Variants in PSEN2 observed in about 807,000 individuals in gnomAD.
PSEN2 encodes presenilin-2.
A neutral mutation model predicts 49.1 loss-of-function variants in PSEN2; 32 were observed. The ratio of observed to expected loss-of-function variants is 0.65; its 90% CI spans 0.49 to 0.88. The LOEUF (loss-of-function observed/expected upper bound fraction) is 0.88, where lower values mean the gene tolerates loss of function less well. Ranked by LOEUF, PSEN2 falls within the 40% of genes least tolerant of loss-of-function variation. PSEN2 has a pLI of 0.00. For synonymous variants in PSEN2, 255 were observed against 244.0 expected, an observed-to-expected ratio of 1.05 and a Z score of -0.42; for missense variants, 522 against 586.9, an observed-to-expected ratio of 0.89 and a Z score of 1.14.
At chr1:226,893,233 AAT>A (rs1337694532) in intron 11 of PSEN2, among the ~76,000 whole-genome samples, 2 of 152,192 alleles carry the variant, frequency 1.3e-5, no homozygotes, top group Non-Finnish European at 2.9e-5. Context: ...ACCCGGCCAA[AAT>A]TAGTTTTATT....
Position 226,888,970 on chromosome 1 carries a change from T to G in PSEN2, c.708T>G (p.Ser236Arg). Residue 236 changes from serine to arginine, a missense_variant, in exon 8 of 13, where the codon AGT (serine) becomes AGG (arginine). Physicochemically the swap from Ser to Arg is moderately radical, Grantham distance 110. Coordinates refer to ENST00000366783, the MANE Select transcript of PSEN2 (RefSeq NM_000447.3). ...VLQQAYLIMI[S>R]ALMALVFIKY... ...AGCAGGCCTACCTCATCATGATCAG[T>G]GCGCTCATGGCCCTAGTGTTCATCA... The G allele has an allele frequency of 6.2e-7, 1 of 1,614,104 alleles. No individual in the cohort carries two copies. The highest frequency in any genetic ancestry group is 8.5e-7 in the Non-Finnish European group (1 of 1,180,022).
intron 9 of PSEN2, chr1:226,890,993 C>T (rs1262312633): frequency 4.2e-6 from 2 of 481,232 alleles, no homozygotes; most frequent in East Asian, 3.8e-5. Flanking sequence ...ATGAGTGTCC[C>T]AGGGCTCGGG....
intron 3 of PSEN2, chr1:226,880,405 A>T: frequency 1.1e-6 from 1 of 890,856 alleles, no homozygotes; most frequent in East Asian, 3.1e-5. Context: ...AATCACATAT[A>T]TTGTGGGGTG....
At chr1:226,891,210 C>T (rs1661716927) in intron 9 of PSEN2, 68 bp from the exon 10 acceptor site, 8 of 1,420,682 alleles carry the variant, frequency 5.6e-6, no homozygotes, top group African/African-American at 2.8e-5. Flanking sequence ...GACTGGCCAC[C>T]TCCCCCAGGC....
chr1:226,870,744 T>C (rs1434587096), intron 1 of PSEN2, 95 bp downstream of exon 1: 11 of 152,218 alleles, frequency 7.2e-5, no homozygotes, highest in Admixed American at 6.6e-4. Flanking sequence ...GGCCCTGCCC[T>C]GCCCTCCGCA....
chr1:226,878,062 C>G (rs1044503902), intron 3 of PSEN2, among the ~76,000 whole-genome samples: 1 of 151,736 alleles, frequency 6.6e-6, no homozygotes, highest in African/African-American at 2.4e-5. Context: ...CAGGGATTGT[C>G]TTTTTTTTCT....
In PSEN2 at chr1:226,872,235, C is replaced by T. The variant is rs578098038; in HGVS notation, c.-207+831C>T. 1.1e-3 allele frequency among the ~76,000 whole-genome samples: 164 copies of T among 152,314 alleles called. 1 individual carries two copies. Among genetic ancestry groups the T allele is most frequent in the African/African-American group, 3.9e-3 (161 of 41,568 alleles). ...CCCCCCAAGGGGGGTTTGCCTCTTGCCTACTTTGGCCTTTCTCTGTTATCG... is the reference window on the plus strand; with the variant it reads ...CCCCCCAAGGGGGGTTTGCCTCTTGTCTACTTTGGCCTTTCTCTGTTATCG... On this transcript the variant is annotated intron_variant, in intron 2 of 12. Coordinates refer to ENST00000366783, the MANE Select transcript of PSEN2 (RefSeq NM_000447.3).
At chr1:226,876,466 C>T (rs1378796606) in intron 3 of PSEN2, among the ~76,000 whole-genome samples, 3 of 152,072 alleles carry the variant, frequency 2.0e-5, no homozygotes, top group East Asian at 1.9e-4. Flanking sequence ...TGTTGATGCT[C>T]GTTATTTTCC....
intron 2 of PSEN2, among the ~76,000 whole-genome samples, chr1:226,872,534 C>T (rs986652908): frequency 2.6e-5 from 4 of 152,166 alleles, no homozygotes; most frequent in Non-Finnish European, 5.9e-5. Context: ...AACTCCTACC[C>T]GTGTCTCTCC....
chr1:226,899,875 C>A (rs116003802), downstream of PSEN2, among the ~76,000 whole-genome samples: 1,967 of 152,292 alleles, frequency 0.013, 33 homozygotes, highest in African/African-American at 0.041. Context: ...ATTTCCTCTT[C>A]TTAAAAACAT....
At chr1:226,889,079 G>A (rs932889540) in intron 8 of PSEN2, 30 bp downstream of exon 8, 15 of 1,592,622 alleles carry the variant, frequency 9.4e-6, no homozygotes, top group East Asian at 2.2e-5. Context: ...GGTGGGGGCA[G>A]TGGGGGCGAT....
rs536237320 is a variant in PSEN2 at position 226,891,364 on chromosome 1, G to T, written c.970+3G>T. Reference sequence around the variant, plus strand: ...GCTCCCCTACGACCCGGAGATGGGTGAGTATCTTGGGGAGCTAACAGCCTC... The same window carrying T: ...GCTCCCCTACGACCCGGAGATGGGTTAGTATCTTGGGGAGCTAACAGCCTC... On this transcript the variant is annotated splice_donor_region_variant and intron_variant, in intron 10 of 12. Transcript: ENST00000366783. The T allele has an allele frequency of 2.0e-5, 32 of 1,609,942 alleles. No individual in the cohort carries two copies. In the South Asian group the frequency reaches 3.6e-4, roughly 18 times the overall value.
chr1:226,891,211 T>G lies in PSEN2; in HGVS notation c.887-67T>G, dbSNP rs1334158798. 13 of 1,428,342 alleles carry G rather than the reference T, an allele frequency of 9.1e-6. No homozygotes were observed. In the African/African-American group the frequency reaches 9.9e-5, roughly 11 times the overall value. The allele number at this position is 1,428,342 out of a possible 1,614,324, so 88.5% of individuals were successfully genotyped here. On this transcript the variant is annotated intron_variant, in intron 9 of 12. Transcript: ENST00000366783. ...CTTTCTGGGACGCAGACTGGCCACC[T>G]CCCCCAGGCCCTGCAGGCAGCCACT...
In PSEN2 at chr1:226,894,008, G is replaced by A. The variant is rs575912514; in HGVS notation, c.1074G>A (p.Arg358=). The change falls in exon 12 of 13, where the codon AGG becomes AGA. Residue 358 remains arginine (R), a splice_region_variant and synonymous_variant. Coordinates refer to ENST00000366783, the MANE Select transcript of PSEN2 (RefSeq NM_000447.3). ...GGGTTACTGTCTCTCCTCACACAGG[G>A]GGCGTGAAGCTTGGCCTCGGGGACT... ...PGEELEEEEE[R]GVKLGLGDFI... is the part of the protein sequence containing the mutation. 3.1e-6 allele frequency: 5 copies of A among 1,611,956 alleles called. No homozygotes were observed. The South Asian group carries it at 5.5e-5, about 18-fold the overall frequency.
At chr1:226,874,496 A>G (rs993616166) in intron 2 of PSEN2, among the ~76,000 whole-genome samples, 4 of 152,196 alleles carry the variant, frequency 2.6e-5, no homozygotes, top group East Asian at 3.9e-4. Context: ...TTACGTGGCC[A>G]TAGTGCCTGG....
downstream of PSEN2, chr1:226,898,278 T>C (rs1662216841): frequency 6.6e-6 from 1 of 152,220 alleles, no homozygotes; most frequent in South Asian, 2.1e-4. Flanking sequence ...TATTGTATAG[T>C]GTTCCATTGT....
Position 226,873,177 on chromosome 1 carries a change from C to CAA in PSEN2, c.-207+1785_-207+1786dup, listed in dbSNP as rs59604724. Among the ~76,000 whole-genome samples, 8 of 135,952 alleles carry CAA rather than the reference C, an allele frequency of 5.9e-5. No homozygotes were observed. In the South Asian group the frequency reaches 9.3e-4, roughly 16 times the overall value. The allele number at this position is 135,952 out of a possible 152,430, so 89.2% of individuals were successfully genotyped here. A position where few individuals can be genotyped will look rare whatever the true frequency, so the allele number is the denominator to read the frequency against. On this transcript the variant is annotated intron_variant, in intron 2 of 12. Coordinates refer to ENST00000366783, the MANE Select transcript of PSEN2 (RefSeq NM_000447.3). Reference sequence around the variant, plus strand: ...GGGCAACAAGAGCAAAACTCCATCTCAAAAAAAAAAAAATGGTTTCACATC... The same window carrying CAA: ...GGGCAACAAGAGCAAAACTCCATCTCAAAAAAAAAAAAAAATGGTTTCACATC...
Position 226,891,759 on chromosome 1 carries a change from C to T in PSEN2, c.987C>T (p.Asp329=). The T allele has an allele frequency of 6.2e-7, 1 of 1,614,020 alleles. No individual in the cohort carries two copies. The highest frequency in any genetic ancestry group is 2.2e-5 in the East Asian group (1 of 44,878). Reference sequence around the variant, plus strand: ...GACACCCAGAAGAAGACTCCTATGACAGTTTTGGGGAGCCTTCATACCCCG... The same window carrying T: ...GACACCCAGAAGAAGACTCCTATGATAGTTTTGGGGAGCCTTCATACCCCG... ...YDPEMEEDSY[D]SFGEPSYPEV... The change falls in exon 11 of 13, where the codon GAC becomes GAT. Residue 329 remains aspartate, a synonymous_variant. Coordinates refer to ENST00000366783, the MANE Select transcript of PSEN2 (RefSeq NM_000447.3).
chr1:226,889,122 A>G, intron 8 of PSEN2, 73 bp downstream of exon 8: 1 of 1,385,268 alleles, frequency 7.2e-7, no homozygotes, highest in Non-Finnish European at 1.0e-6. Flanking sequence ...GTGCTGCACA[A>G]GGAGGGCAGG....
Sources: gnomAD v4.1 joint callset for allele counts (sites outside exome capture counted in the v4.1 genomes callset) on GRCh38, gnomAD v4.1.1 for gene constraint, MANE v1.5 for transcripts, NCBI Gene and HGNC (gene_info 2026-07-23, HGNC 2026-07-21) for gene names.